Variants in PASK observed in about 807,000 individuals in gnomAD.
The protein encoded by PASK is PAS domain containing serine/threonine kinase.
PASK carries 110 observed loss-of-function variants against 121.0 expected under a neutral mutation model. The ratio of observed to expected loss-of-function variants is 0.91; its 90% CI spans 0.78 to 1.06. The LOEUF (loss-of-function observed/expected upper bound fraction) is 1.06. Among genes scored for constraint, PASK ranks in the 50% least tolerant of loss-of-function variants. The probability of loss-of-function intolerance (pLI) is 0.00; values close to 1 mark genes in which losing one functional copy is unlikely to be tolerated. For missense variants in PASK, 1,643 were observed against 1,702.3 expected (o/e 0.97, Z 0.61); for synonymous variants, 686 against 717.8 (o/e 0.96, Z 0.71).
Position 241,112,263 on chromosome 2 carries a change from T to A in PASK, c.3510A>T (p.Ala1170=). The A allele has an allele frequency of 1.9e-6, 3 of 1,613,794 alleles. No individual in the cohort carries two copies. Among genetic ancestry groups the A allele is most frequent in the Non-Finnish European group, 2.5e-6 (3 of 1,179,746 alleles). The stretch of plus-strand genomic sequence containing the variant: ...ACGGATTCCCCATGAGAACTTCCGG[T>A]GCACAGTACTCGATGGTCCCACAAA... ...YTFCGTIEYC[A]PEVLMGNPYR... Residue 1170 remains alanine, a synonymous_variant, in exon 15 of 18, where the codon GCA becomes GCT. Transcript: ENST00000234040. The surrounding 1 kb of genome is among the most constrained non-coding windows in gnomAD (Gnocchi z 5.2).
intron 10 of PASK, among the ~76,000 whole-genome samples, chr2:241,124,790 TA>T (rs762273487): frequency 4.6e-5 from 7 of 152,118 alleles, no homozygotes; most frequent in Non-Finnish European, 8.8e-5. Flanking sequence ...CTTTTAAGTG[TA>T]AGAAAAAAAC....
chr2:241,136,386 CG>C lies in PASK; in HGVS notation c.1138-348del, dbSNP rs371301732. On this transcript the variant is annotated intron_variant, in intron 7 of 17. Coordinates refer to ENST00000234040, the MANE Select transcript of PASK (RefSeq NM_015148.4). ...TCACCTCACGCGGCTCACTGGTGGC[CG>C]GAACAGTGACATGCACCCAGGACAG... Among the ~76,000 whole-genome samples the C allele has an allele frequency of 9.6e-4, 146 of 152,322 alleles. 2 individuals carry two copies. The East Asian group carries it at 0.02, about 21-fold the overall frequency.
chr2:241,120,287 G>T (rs1463226230), intron 12 of PASK, among the ~76,000 whole-genome samples: 1 of 152,168 alleles, frequency 6.6e-6, no homozygotes, highest in African/African-American at 2.4e-5. Context: ...GAGGTCAGGA[G>T]TTCGAGACCA....
chr2:241,136,355 C>A (rs1329652528), intron 7 of PASK, among the ~76,000 whole-genome samples: 1 of 152,252 alleles, frequency 6.6e-6, no homozygotes, highest in African/African-American at 2.4e-5. Flanking sequence ...CCTGTGTTTG[C>A]AAGCCTCACC....
rs779681395 is a variant in PASK at position 241,112,449 on chromosome 2, G to C, written c.3334-10C>G. The C allele has an allele frequency of 6.3e-7, 1 of 1,596,296 alleles. No individual in the cohort carries two copies. Among genetic ancestry groups the C allele is most frequent in the Non-Finnish European group, 8.6e-7 (1 of 1,165,740 alleles). On this transcript the variant is annotated splice_polypyrimidine_tract_variant and intron_variant, in intron 14 of 17. Transcript: ENST00000234040. This position sits in a 1 kb window ranked among gnomAD's most constrained non-coding sequence, Gnocchi z 5.2. Reference sequence around the variant, plus strand: ...CCACTGCTGACACTAGCTGGAATCAGGAGGCCAGAGGGGGCTTTTTAAAAA... The same window carrying C: ...CCACTGCTGACACTAGCTGGAATCACGAGGCCAGAGGGGGCTTTTTAAAAA...
intron 14 of PASK, chr2:241,113,464 A>C (rs909071799): frequency 6.6e-6 from 1 of 152,072 alleles, no homozygotes; most frequent in South Asian, 2.1e-4. Flanking sequence ...GTGCACATAT[A>C]TACACACCTG....
At chr2:241,125,194 A>C (rs1321552430) in intron 10 of PASK, among the ~76,000 whole-genome samples, 2 of 151,902 alleles carry the variant, frequency 1.3e-5, no homozygotes, top group Non-Finnish European at 2.9e-5. Flanking sequence ...CCAGCTACTC[A>C]GGAGGCTGGG....
Position 241,137,955 on chromosome 2 carries a change from T to C in PASK, c.874A>G (p.Lys292Glu), listed in dbSNP as rs1370425880. ...GTGCGGGAGGTCAGGAGCCCTACCT[T>C]TGGGATGTGCTGGCCAGAAGGAGGG... ...QLPPSGQHIP[K>E]NLKIQRSVGR... The change falls in exon 6 of 18, where the codon AAG becomes GAG. Residue 292 changes from lysine to glutamate, a missense_variant and splice_region_variant. Coordinates refer to ENST00000234040, the MANE Select transcript of PASK (RefSeq NM_015148.4). 2.5e-6 allele frequency: 4 copies of C among 1,614,166 alleles called. No homozygotes were observed. In the South Asian group the frequency reaches 4.4e-5, roughly 18 times the overall value.
chr2:241,123,156 G>C (rs977165148), intron 11 of PASK, among the ~76,000 whole-genome samples: 1 of 150,980 alleles, frequency 6.6e-6, no homozygotes, highest in Non-Finnish European at 1.5e-5. Flanking sequence ...ATGGGCCTAG[G>C]CAGATTTAAA....
At chr2:241,138,175 C>G in intron 5 of PASK, 88 bp from the exon 6 acceptor site, 1 of 1,395,324 alleles carries the variant, frequency 7.2e-7, no homozygotes, top group Non-Finnish European at 1.0e-6. Flanking sequence ...AAGCCAAAAG[C>G]AAGACCCCAA....
In PASK at chr2:241,112,235, C is replaced by T. The variant is rs557752570; in HGVS notation, c.3533+5G>A. ...GGACGGGCCGCACCGCAGCCGCATACGTACGGATTCCCCATGAGAACTTCC... is the reference window on the plus strand; with the variant it reads ...GGACGGGCCGCACCGCAGCCGCATATGTACGGATTCCCCATGAGAACTTCC... On this transcript the variant is annotated splice_donor_5th_base_variant and intron_variant, in intron 15 of 17. Coordinates refer to ENST00000234040, the MANE Select transcript of PASK (RefSeq NM_015148.4). This position sits in a 1 kb window ranked among gnomAD's most constrained non-coding sequence, Gnocchi z 5.2. The T allele has an allele frequency of 3.7e-6, 6 of 1,609,654 alleles. No individual in the cohort carries two copies. Among genetic ancestry groups the T allele is most frequent in the Admixed American group, 1.7e-5 (1 of 60,006 alleles).
rs2066468807 is a variant in PASK, at chr2:241,137,064, G to A, written c.1077C>T (p.Gly359=). 1.9e-6 allele frequency: 3 copies of A among 1,613,500 alleles called. No homozygotes were observed. The highest frequency in any genetic ancestry group is 2.5e-6 in the Non-Finnish European group (3 of 1,179,750). The part of the protein sequence containing the change: ...ITLLPDGTIH[G]INHSFALTLF... Reference sequence around the variant, plus strand: ...GTGTCAGCGCGAAGCTGTGGTTGATGCCGTGGATGGTCCCATCCGGCAGGA... The same window carrying A: ...GTGTCAGCGCGAAGCTGTGGTTGATACCGTGGATGGTCCCATCCGGCAGGA... The change falls in exon 7 of 18, where the codon GGC becomes GGT. Residue 359 remains glycine (G), a synonymous_variant. Coordinates refer to ENST00000234040, the MANE Select transcript of PASK (RefSeq NM_015148.4).
At chr2:241,114,280 G>A (rs2065233850) in intron 14 of PASK, 1 of 985,206 alleles carries the variant, frequency 1.0e-6, no homozygotes, top group Non-Finnish European at 1.2e-6. Flanking sequence ...ACCCGAGAGT[G>A]TGTAGCTTTA....
At position 241,138,077 on chromosome 2, in the gene PASK, G is replaced by T; in HGVS notation, c.752C>A (p.Thr251Lys). Residue 251 changes from threonine to lysine, a missense_variant, in exon 6 of 18, where the codon ACG (threonine) becomes AAG (lysine). Transcript: ENST00000234040. ...ATGAGCAAAGAGACTGTCACATGAC[G>T]TGACGGTGCCCTGGAGGAAAAGCCC... ...WVAFQSDGTVTSCDSLFAHLH... is the reference protein window; with the variant it reads ...WVAFQSDGTVKSCDSLFAHLH... 6.2e-7 allele frequency: 1 copy of T among 1,614,182 alleles called. No individual in the cohort carries two copies. The highest frequency in any genetic ancestry group is 8.5e-7 in the Non-Finnish European group (1 of 1,179,994).
intron 12 of PASK, among the ~76,000 whole-genome samples, chr2:241,119,594 T>C (rs2065519093): frequency 6.6e-6 from 1 of 151,760 alleles, no homozygotes; most frequent in African/African-American, 2.4e-5. Context: ...CTCAGCCTCC[T>C]GAGTAGCTGG....
At position 241,114,274 on chromosome 2, in the gene PASK, G is replaced by A. The variant is rs183454965; in HGVS notation, c.3333+769C>T. On this transcript the variant is annotated intron_variant, in intron 14 of 17. Transcript: ENST00000234040. ...CTAAACTTCGGAAACCCAACAACCC[G>A]AGAGTGTGTAGCTTTAAGGAAGAAA... 1.9e-3 allele frequency: 1,909 copies of A among 985,222 alleles called. 3 individuals are homozygous for A. Among genetic ancestry groups the A allele is most frequent in the Non-Finnish European group, 2.2e-3 (1,819 of 829,778 alleles). The allele number at this position is 985,222 out of a possible 1,614,324, so 61.0% of individuals were successfully genotyped here. A position where few individuals can be genotyped will look rare whatever the true frequency, so the allele number is the denominator to read the frequency against.
At position 241,127,271 on chromosome 2, in the gene PASK, A is replaced by T; in HGVS notation, c.1644T>A (p.Asp548Glu). ...CCTCAGCTGGGACTGGAGCTTCAGA[A>T]TCTTCGCAGGAAGCAAATGGCTTCA... ...VDVKPFASCEDSEAPVPAEDG... is the reference protein window; with the variant it reads ...VDVKPFASCEESEAPVPAEDG... The change falls in exon 10 of 18, where the codon GAT becomes GAA. Residue 548 changes from aspartate to glutamate, a missense_variant. Transcript: ENST00000234040. The T allele has an allele frequency of 6.2e-7, 1 of 1,614,226 alleles. No homozygotes were observed. Among genetic ancestry groups the T allele is most frequent in the Non-Finnish European group, 8.5e-7 (1 of 1,180,030 alleles).
At position 241,138,797 on chromosome 2, in the gene PASK, G is replaced by A. The variant is rs1433672842; in HGVS notation, c.601-3C>T. 5.6e-6 allele frequency: 9 copies of A among 1,613,870 alleles called. No homozygotes were observed. The highest frequency in any genetic ancestry group is 5.0e-5 in the Admixed American group (3 of 60,034). The stretch of plus-strand genomic sequence containing the variant: ...CCACTACGGCTGATGATGTCCACCT[G>A]TGGAAACAGACAGGTTCACACCTGC... On this transcript the variant is annotated splice_polypyrimidine_tract_variant and splice_region_variant and intron_variant, in intron 4 of 17. Coordinates refer to ENST00000234040, the MANE Select transcript of PASK (RefSeq NM_015148.4).
At chr2:241,137,791 G>A (rs1040860753) in intron 6 of PASK, among the ~76,000 whole-genome samples, 162 bp downstream of exon 6, 1 of 152,202 alleles carries the variant, frequency 6.6e-6, no homozygotes, top group Admixed American at 6.5e-5. Flanking sequence ...CATAGGCTCC[G>A]GCCCTTGGTC....
Sources: gnomAD v4.1 joint callset for allele counts (sites outside exome capture counted in the v4.1 genomes callset) on GRCh38, gnomAD v4.1.1 for gene constraint, Gnocchi (gnomAD v3.1) non-coding constraint, MANE v1.5 for transcripts, NCBI Gene and HGNC (gene_info 2026-07-23, HGNC 2026-07-21) for gene names.